The following POU3F4 variants were observed in gnomAD, a reference collection of about 807,000 sequenced individuals.
The protein encoded by POU3F4 is POU class 3 homeobox 4, also known as POU domain, class 3, transcription factor 4.
A neutral mutation model predicts 15.2 loss-of-function variants in POU3F4; 2 were observed. The observed-to-expected ratio is 0.13, with a 90% CI of 0.05 to 0.42. The LOEUF is 0.42. POU3F4 is among the 10% of genes least tolerant of loss of function. The pLI, the probability that POU3F4 is intolerant of heterozygous loss-of-function variation, is 0.99. For synonymous variants in POU3F4, 158 were observed against 133.3 expected, an observed-to-expected ratio of 1.19 and a Z score of -1.28; for missense variants, 220 against 297.0, an observed-to-expected ratio of 0.74 and a Z score of 1.91.
rs1057516008 is a variant in POU3F4 at position 83,509,451 on chromosome X, C to A, written c.*41C>A. 8.5e-7 allele frequency: 1 copy of A among 1,175,529 alleles called. No homozygotes were observed. Among genetic ancestry groups the A allele is most frequent in the Non-Finnish European group, 1.1e-6 (1 of 875,745 alleles). On this transcript the variant is annotated 3_prime_UTR_variant, in exon 1 of 1. Transcript: ENST00000644024. ...AGGCGGCCGGCCGCACTGGGAGCAG[C>A]GCGGATTTCTCTTTCTCTCTCACTC...
Position 83,511,637 on chromosome X carries a change from G to A in POU3F4, c.*2227G>A, listed in dbSNP as rs1925914989. ...TGTTGGTAGTTAGGTTTTAGTTCTG[G>A]GATTTTATTTTTTTTTCCCCCACAC... is the stretch of plus-strand genomic sequence containing the variant. On this transcript the variant is annotated 3_prime_UTR_variant, in exon 1 of 1. Coordinates refer to ENST00000644024, the MANE Select transcript of POU3F4 (RefSeq NM_000307.5). The A allele has an allele frequency of 8.9e-6, 1 of 111,762 alleles. No homozygotes were observed. Among genetic ancestry groups the A allele is most frequent in the Non-Finnish European group, 1.9e-5 (1 of 53,118 alleles). 9.2% of individuals were successfully genotyped at this position (111,762 alleles called of 1,213,427 possible).
chrX:83,509,130 T>A lies in POU3F4; in HGVS notation c.806T>A (p.Ile269Asn). ...TCGTCCACAGGGAGCCCGACCAGCA[T>A]TGACAAGATCGCTGCACAGGGCCGC... is the stretch of plus-strand genomic sequence containing the variant. ...ADSSTGSPTS[I>N]DKIAAQGRKR... The change falls in exon 1 of 1, where the codon ATT becomes AAT. Residue 269 changes from isoleucine to asparagine, a missense_variant. Transcript: ENST00000644024. 8.3e-7 allele frequency: 1 copy of A among 1,211,645 alleles called. No homozygotes were observed. Among genetic ancestry groups the A allele is most frequent in the Non-Finnish European group, 1.1e-6 (1 of 895,416 alleles).
In POU3F4 at chrX:83,509,378, G is replaced by T. The variant is rs182912945; in HGVS notation, c.1054G>T (p.Val352Leu). The T allele has an allele frequency of 1.2e-5, 14 of 1,204,131 alleles. No homozygotes were observed. The African/African-American group carries it at 1.9e-4, about 16-fold the overall frequency. The change falls in exon 1 of 1, where the codon GTG becomes TTG. Residue 352 changes from valine (V) to leucine (L), a missense_variant. By Grantham distance (32) the Val-to-Leu change is conservative (BLOSUM62 1). Transcript: ENST00000644024. ...QQPHEVYSHT[V>L]KTDTSCHDL is the part of the protein sequence containing the mutation. ...GCCGCATGAGGTTTATTCGCACACC[G>T]TGAAAACAGACACATCTTGCCATGA...
Position 83,508,769 on chromosome X carries a change from G to A in POU3F4, c.445G>A (p.Gly149Arg), listed in dbSNP as rs1925838294. 1 of 1,205,522 alleles carries A rather than the reference G, an allele frequency of 8.3e-7. No homozygotes were observed. Among genetic ancestry groups the A allele is most frequent in the Non-Finnish European group, 1.1e-6 (1 of 892,270 alleles). ...FTVSGMLEHG[G>R]LTPPPAAASA... The stretch of plus-strand genomic sequence containing the variant: ...CGTGAGCGGCATGCTGGAACACGGG[G>A]GACTCACCCCACCTCCAGCTGCCGC... Residue 149 changes from glycine to arginine, a missense_variant, in exon 1 of 1, where the codon GGA (glycine) becomes AGA (arginine). Coordinates refer to ENST00000644024, the MANE Select transcript of POU3F4 (RefSeq NM_000307.5).
In POU3F4 at chrX:83,508,813, C is replaced by G; in HGVS notation, c.489C>G (p.His163Gln). 2 of 1,206,427 alleles carry G rather than the reference C, an allele frequency of 1.7e-6. No individual in the cohort carries two copies. Among genetic ancestry groups the G allele is most frequent in the East Asian group, 3.0e-5 (1 of 33,589 alleles). ...CTGCCGCCTCTGCACAGAGCCTGCA[C>G]CCGGTGCTCCGAGAGCCCCCGGATC... ...PPAAASAQSL[H>Q]PVLREPPDHG... The change falls in exon 1 of 1, where the codon CAC becomes CAG. Residue 163 changes from histidine to glutamine, a missense_variant. By Grantham distance (24) the His-to-Gln change is conservative. Around this residue, in one of 5 missense-constraint regions of POU3F4, gnomAD observed 161 missense variants for 154.1 expected, o/e 1.05. Coordinates refer to ENST00000644024, the MANE Select transcript of POU3F4 (RefSeq NM_000307.5).
chrX:83,508,414 T>C lies in POU3F4; in HGVS notation c.90T>C (p.Pro30=), dbSNP rs200127998. 8.3e-7 allele frequency: 1 copy of C among 1,210,460 alleles called. No individual in the cohort carries two copies. The highest frequency in any genetic ancestry group is 1.7e-5 in the African/African-American group (1 of 57,434). ...CTGCGGGCATGCAGCAGGGGAGTCC[T>C]TTCCGCAACCCTCAGAAACTTCTCC... The part of the protein sequence containing the change: ...ADSAGMQQGS[P]FRNPQKLLQS... The change falls in exon 1 of 1, where the codon CCT becomes CCC. Residue 30 remains proline (P), a synonymous_variant. Coordinates refer to ENST00000644024, the MANE Select transcript of POU3F4 (RefSeq NM_000307.5).
At position 83,508,852 on chromosome X, in the gene POU3F4, C is replaced by A. The variant is rs1925842714; in HGVS notation, c.528C>A (p.Gly176=). The change falls in exon 1 of 1, where the codon GGC becomes GGA. Residue 176 remains glycine, a synonymous_variant. Coordinates refer to ENST00000644024, the MANE Select transcript of POU3F4 (RefSeq NM_000307.5). ...LREPPDHGEL[G]SHHCQDHSDE... The stretch of plus-strand genomic sequence containing the variant: ...AGCCCCCGGATCACGGCGAACTGGG[C>A]TCGCACCATTGCCAGGATCACTCCG... 1 of 1,210,286 alleles carries A rather than the reference C, an allele frequency of 8.3e-7. No homozygotes were observed. The highest frequency in any genetic ancestry group is 1.1e-6 in the Non-Finnish European group (1 of 894,564).
Position 83,509,603 on chromosome X carries a change from C to CCCTTT in POU3F4, c.*205_*209dup, listed in dbSNP as rs906576084. The CCCTTT allele has an allele frequency of 8.7e-6, 5 of 575,653 alleles. No homozygotes were observed. Among genetic ancestry groups the CCCTTT allele is most frequent in the African/African-American group, 4.8e-5 (2 of 41,657 alleles). The allele number at this position is 575,653 out of a possible 1,213,427, so 47.4% of individuals were successfully genotyped here. On this transcript the variant is annotated 3_prime_UTR_variant, in exon 1 of 1. Transcript: ENST00000644024. ...TCCCCTTTTTCTTTCCCTTCTTTTT[C>CCCTTT]CCTTTCCTTTCCTTTCATTTTCTTT...
Position 83,508,747 on chromosome X carries a change from G to C in POU3F4, c.423G>C (p.Val141=). 8.3e-7 allele frequency: 1 copy of C among 1,207,453 alleles called. No homozygotes were observed. The highest frequency in any genetic ancestry group is 2.3e-4 in the Middle Eastern group (1 of 4,349). The change falls in exon 1 of 1, where the codon GTG becomes GTC. Residue 141 remains valine, a synonymous_variant. Transcript: ENST00000644024. Reference sequence around the variant, plus strand: ...TGTACTCGCAGCCTGGCTTCACCGTGAGCGGCATGCTGGAACACGGGGGAC... The same window carrying C: ...TGTACTCGCAGCCTGGCTTCACCGTCAGCGGCATGCTGGAACACGGGGGAC... ...LNVYSQPGFT[V]SGMLEHGGLT...
rs1209464737 is a variant in POU3F4, at chrX:83,510,607, T to A, written c.*1197T>A. On this transcript the variant is annotated 3_prime_UTR_variant, in exon 1 of 1. Transcript: ENST00000644024. ...CTCCGCACTCACCGGACTCCAGGAT[T>A]CCTGCGCGCAGAAATCCAGGCCCCC... 1 of 111,533 alleles carries A rather than the reference T, an allele frequency of 9.0e-6. No individual in the cohort carries two copies. The highest frequency in any genetic ancestry group is 3.3e-5 in the African/African-American group (1 of 30,614). The allele number at this position is 111,533 out of a possible 1,213,427, so 9.2% of individuals were successfully genotyped here.
At position 83,510,268 on chromosome X, in the gene POU3F4, A is replaced by C. The variant is rs1026993398; in HGVS notation, c.*858A>C. 2.0e-5 allele frequency: 2 copies of C among 99,535 alleles called. No individual in the cohort carries two copies. Among genetic ancestry groups the C allele is most frequent in the African/African-American group, 7.7e-5 (2 of 25,864 alleles). The allele number at this position is 99,535 out of a possible 1,213,427, so 8.2% of individuals were successfully genotyped here. A position where few individuals can be genotyped will look rare whatever the true frequency, so the allele number is the denominator to read the frequency against. On this transcript the variant is annotated 3_prime_UTR_variant, in exon 1 of 1. Coordinates refer to ENST00000644024, the MANE Select transcript of POU3F4 (RefSeq NM_000307.5). ...AGGAGATGAATGGGAATAGGCGGGG[A>C]GAGAGATGCCTATCTACTCACCGCC...
rs1925871977 is a variant in POU3F4, at chrX:83,509,803, C to A, written c.*393C>A. On this transcript the variant is annotated 3_prime_UTR_variant, in exon 1 of 1. Coordinates refer to ENST00000644024, the MANE Select transcript of POU3F4 (RefSeq NM_000307.5). ...GCTTCTCAATGCTGATACACAGTTA[C>A]ATTAAGCAGTCCAAGCTGGGATCTC... is the stretch of plus-strand genomic sequence containing the variant. 5.0e-6 allele frequency: 1 copy of A among 200,725 alleles called. No homozygotes were observed. Among genetic ancestry groups the A allele is most frequent in the Non-Finnish European group, 9.6e-6 (1 of 103,747 alleles). 16.5% of individuals were successfully genotyped at this position (200,725 alleles called of 1,213,427 possible). A position where few individuals can be genotyped will look rare whatever the true frequency, so the allele number is the denominator to read the frequency against.
chrX:83,508,781 C>T lies in POU3F4; in HGVS notation c.457C>T (p.Pro153Ser). The change falls in exon 1 of 1, where the codon CCT (proline) becomes TCT (serine). Residue 153 changes from proline (P) to serine (S), a missense_variant. By Grantham distance (74) the Pro-to-Ser change is moderately conservative. Around this residue, in one of 5 missense-constraint regions of POU3F4, gnomAD observed 161 missense variants for 154.1 expected, o/e 1.05. Coordinates refer to ENST00000644024, the MANE Select transcript of POU3F4 (RefSeq NM_000307.5). ...GMLEHGGLTPPPAAASAQSLH... is the reference protein window; with the variant it reads ...GMLEHGGLTPSPAAASAQSLH... ...GCTGGAACACGGGGGACTCACCCCA[C>T]CTCCAGCTGCCGCCTCTGCACAGAG... The T allele has an allele frequency of 8.3e-7, 1 of 1,204,474 alleles. No individual in the cohort carries two copies.
In POU3F4 at chrX:83,511,473, G is replaced by A. The variant is rs994450033; in HGVS notation, c.*2063G>A. On this transcript the variant is annotated 3_prime_UTR_variant, in exon 1 of 1. Coordinates refer to ENST00000644024, the MANE Select transcript of POU3F4 (RefSeq NM_000307.5). The stretch of plus-strand genomic sequence containing the variant: ...AACTACCTAAGGACCAGAAAGCCCG[G>A]CCCGGTTGTCGAGGATGCGTTAGTA... 4 of 112,417 alleles carry A rather than the reference G, an allele frequency of 3.6e-5. No individual in the cohort carries two copies. Among genetic ancestry groups the A allele is most frequent in the Non-Finnish European group, 7.5e-5 (4 of 53,299 alleles). 9.3% of individuals were successfully genotyped at this position (112,417 alleles called of 1,213,427 possible).
chrX:83,509,837 G>A lies in POU3F4; in HGVS notation c.*427G>A, dbSNP rs1158110776. The A allele has an allele frequency of 6.4e-6, 1 of 155,184 alleles. No homozygotes were observed. Among genetic ancestry groups the A allele is most frequent in the Non-Finnish European group, 1.3e-5 (1 of 75,478 alleles). The allele number at this position is 155,184 out of a possible 1,213,427, so 12.8% of individuals were successfully genotyped here. Reference sequence around the variant, plus strand: ...GTCCAAGCTGGGATCTCATATTCCTGGCTCCCCGGGCAACAGTTCCCTTTA... The same window carrying A: ...GTCCAAGCTGGGATCTCATATTCCTAGCTCCCCGGGCAACAGTTCCCTTTA... On this transcript the variant is annotated 3_prime_UTR_variant, in exon 1 of 1. Transcript: ENST00000644024.
rs1189315002 is a variant in POU3F4 at position 83,509,575 on chromosome X, CT to C, written c.*168del. ...TTTTCCCTCCTTTCCTTTTTCTTTC[CT>C]TTCCCCTTTTTCTTTCCCTTCTTTT... On this transcript the variant is annotated 3_prime_UTR_variant, in exon 1 of 1. Transcript: ENST00000644024. The C allele has an allele frequency of 2.7e-6, 2 of 733,441 alleles. No individual in the cohort carries two copies. Among genetic ancestry groups the C allele is most frequent in the Non-Finnish European group, 3.9e-6 (2 of 516,298 alleles). 60.4% of individuals were successfully genotyped at this position (733,441 alleles called of 1,213,427 possible). A position where few individuals can be genotyped will look rare whatever the true frequency, so the allele number is the denominator to read the frequency against.
At position 83,508,311 on chromosome X, in the gene POU3F4, G is replaced by A. The variant is rs751307224; in HGVS notation, c.-14G>A. The A allele has an allele frequency of 8.3e-7, 1 of 1,211,872 alleles. No homozygotes were observed. Among genetic ancestry groups the A allele is most frequent in the Non-Finnish European group, 1.1e-6 (1 of 895,558 alleles). On this transcript the variant is annotated 5_prime_UTR_variant, in exon 1 of 1. Transcript: ENST00000644024. Reference sequence around the variant, plus strand: ...CTTTGCCACATTATAACTAGTAGGGGATCCTCACCGACCATGGCCACAGCT... The same window carrying A: ...CTTTGCCACATTATAACTAGTAGGGAATCCTCACCGACCATGGCCACAGCT...
At position 83,508,679 on chromosome X, in the gene POU3F4, G is replaced by A; in HGVS notation, c.355G>A (p.Ala119Thr). ...NHPNAWGASP[A>T]PNPSITSSGQ... ...CCCCAACGCCTGGGGGGCCAGCCCG[G>A]CACCGAACCCGTCTATCACGTCAAG... Residue 119 changes from alanine to threonine, a missense_variant, in exon 1 of 1, where the codon GCA becomes ACA. Transcript: ENST00000644024. 8.3e-7 allele frequency: 1 copy of A among 1,211,747 alleles called. No homozygotes were observed. Among genetic ancestry groups the A allele is most frequent in the South Asian group, 1.8e-5 (1 of 56,961 alleles).
rs773370268 is a variant in POU3F4 at position 83,509,456 on chromosome X, A to G, written c.*46A>G. 2.6e-6 allele frequency: 3 copies of G among 1,171,573 alleles called. No homozygotes were observed. The highest frequency in any genetic ancestry group is 3.8e-5 in the South Asian group (2 of 53,113). On this transcript the variant is annotated 3_prime_UTR_variant, in exon 1 of 1. Transcript: ENST00000644024. ...GCCGGCCGCACTGGGAGCAGCGCGG[A>G]TTTCTCTTTCTCTCTCACTCTCTTC...
Sources: gnomAD v4.1 joint callset for allele counts on GRCh38, gnomAD v4.1.1 for gene constraint, gnomAD v4.1.1 regional missense constraint, MANE v1.5 for transcripts, NCBI Gene and HGNC (gene_info 2026-07-23, HGNC 2026-07-21) for gene names.